PCDHGA4: variants seen among roughly 807,000 people sequenced by gnomAD.
The protein encoded by PCDHGA4 is protocadherin gamma-A4.
In PCDHGA4, 38 loss-of-function variants were observed where a neutral mutation model predicts 54.6. The ratio of observed to expected loss-of-function variants is 0.70; its 90% CI spans 0.54 to 0.91. PCDHGA4 has a LOEUF of 0.91. PCDHGA4 is among the 40% of genes least tolerant of loss of function. The pLI is 0.00. For synonymous variants in PCDHGA4, 511 were observed against 512.9 expected, an observed-to-expected ratio of 1.00 and a Z score of 0.05; for missense variants, 1,298 against 1,220.9, an observed-to-expected ratio of 1.06 and a Z score of -0.94.
At chr5:141,420,062 T>G (rs759817545) in intron 1 of PCDHGA4, 1 of 1,614,066 alleles carries the variant, frequency 6.2e-7, no homozygotes, top group Non-Finnish European at 8.5e-7. Context: ...CTGCTCCAAG[T>G]CCGGACCTGT....
At chr5:141,384,888 T>C in intron 1 of PCDHGA4, 2 of 1,613,854 alleles carry the variant, frequency 1.2e-6, no homozygotes, top group Non-Finnish European at 1.7e-6. Context: ...TCACCGTGGC[T>C]GTGGCTGACA....
chr5:141,404,550 C>A (rs372202008), intron 1 of PCDHGA4: 3 of 1,613,768 alleles, frequency 1.9e-6, no homozygotes, highest in Admixed American at 1.7e-5. Flanking sequence ...ATGCAGGTGA[C>A]GGCAAGTGAC....
chr5:141,429,416 T>C (rs527999196), intron 1 of PCDHGA4, among the ~76,000 whole-genome samples: 1 of 152,230 alleles, frequency 6.6e-6, no homozygotes, highest in Admixed American at 6.5e-5. Flanking sequence ...GGTCTCATTA[T>C]GTTGCCCAGG....
chr5:141,457,428 C>G (rs72790053), intron 1 of PCDHGA4, among the ~76,000 whole-genome samples: 1,866 of 152,262 alleles, frequency 0.012, 18 homozygotes, highest in Non-Finnish European at 0.017. Context: ...TTTTTCCCCC[C>G]CACCAAGCTG....
At position 141,356,437 on chromosome 5, in the gene PCDHGA4, G is replaced by A; in HGVS notation, c.1330G>A (p.Glu444Lys). Residue 444 changes from glutamate (E) to lysine (K), a missense_variant, in exon 1 of 4, where the codon GAA becomes AAA. Glu to Lys is a moderately conservative substitution (Grantham distance 56). Transcript: ENST00000571252. ...GTTGACACACAGAACACTGGACAGG[G>A]AAGAAGTCTCAGAATATAACATCAC... ...RLLTHRTLDR[E>K]EVSEYNITVT... 1 of 1,611,386 alleles carries A rather than the reference G, an allele frequency of 6.2e-7. No individual in the cohort carries two copies. The highest frequency in any genetic ancestry group is 8.5e-7 in the Non-Finnish European group (1 of 1,178,478).
intron 1 of PCDHGA4, among the ~76,000 whole-genome samples, chr5:141,465,785 T>G (rs564238782): frequency 6.6e-6 from 1 of 152,262 alleles, no homozygotes; most frequent in South Asian, 2.1e-4. Flanking sequence ...TACAGTTTTT[T>G]TTTTTTTAAG....
chr5:141,372,280 C>A, intron 1 of PCDHGA4: 2 of 1,613,164 alleles, frequency 1.2e-6, no homozygotes, highest in Non-Finnish European at 1.7e-6. Flanking sequence ...GTGCGCACGG[C>A]GCGTACCTTG....
Position 141,490,721 on chromosome 5 carries a change from T to C in PCDHGA4, c.2515-4086T>C, listed in dbSNP as rs779242781. On this transcript the variant is annotated intron_variant, in intron 1 of 3. Coordinates refer to ENST00000571252, the MANE Select transcript of PCDHGA4 (RefSeq NM_018917.4). This position sits in a 1 kb window ranked among gnomAD's most constrained non-coding sequence, Gnocchi z 5.4. The stretch of plus-strand genomic sequence containing the variant: ...AATGCCCGCCTCACCTACTCCATTG[T>C]AGGAAATCAGGTTCAGGGAGCCCCA... 23 of 1,614,056 alleles carry C rather than the reference T, an allele frequency of 1.4e-5. No individual in the cohort carries two copies. The highest frequency in any genetic ancestry group is 6.6e-5 in the South Asian group (6 of 91,080).
Position 141,433,059 on chromosome 5 carries a change from A to G in PCDHGA4, c.2515-61748A>G, listed in dbSNP as rs745951077. 1.1e-5 allele frequency: 18 copies of G among 1,614,000 alleles called. No individual in the cohort carries two copies. In the East Asian group the frequency reaches 3.8e-4, roughly 34 times the overall value. On this transcript the variant is annotated intron_variant, in intron 1 of 3. Transcript: ENST00000571252. ...CTCACCACGGACTCGCGGAAGAGTC[A>G]CCTGATCTTCCCCCAGCCCAACTAT...
At chr5:141,446,860 G>A (rs969206755) in intron 1 of PCDHGA4, among the ~76,000 whole-genome samples, 17 of 152,162 alleles carry the variant, frequency 1.1e-4, no homozygotes, top group African/African-American at 3.9e-4. Flanking sequence ...CTTCCTGATA[G>A]CTCTACACTG....
chr5:141,444,920 G>A (rs2098451595), intron 1 of PCDHGA4, among the ~76,000 whole-genome samples: 1 of 152,110 alleles, frequency 6.6e-6, no homozygotes, highest in Non-Finnish European at 1.5e-5. Context: ...ACCTTTATCA[G>A]GGAAAGAGGG....
intron 1 of PCDHGA4, chr5:141,364,690 A>G (rs754705935): frequency 2.5e-6 from 4 of 1,613,978 alleles, no homozygotes; most frequent in Non-Finnish European, 3.4e-6. Flanking sequence ...ATGGAGTAGA[A>G]GTAGAAATAA....
chr5:141,401,083 C>T (rs2094110284), intron 1 of PCDHGA4, among the ~76,000 whole-genome samples: 1 of 152,176 alleles, frequency 6.6e-6, no homozygotes, highest in Admixed American at 6.5e-5. Context: ...GTGGCTCATG[C>T]CTGTAATCCC....
chr5:141,406,906 C>T (rs1186250719), intron 1 of PCDHGA4, among the ~76,000 whole-genome samples: 1 of 152,048 alleles, frequency 6.6e-6, no homozygotes, highest in Non-Finnish European at 1.5e-5. Flanking sequence ...CTGTTTTTAG[C>T]TATAAGGAAG....
intron 1 of PCDHGA4, chr5:141,375,263 T>C (rs200233213): frequency 1.2e-6 from 2 of 1,613,828 alleles, no homozygotes; most frequent in Non-Finnish European, 1.7e-6. Context: ...CCCATTTGAA[T>C]TGGAAAAATC....
chr5:141,370,197 G>A (rs1766736161), intron 1 of PCDHGA4: 1 of 536,070 alleles, frequency 1.9e-6, no homozygotes, highest in Non-Finnish European at 3.2e-6. Flanking sequence ...CTAGTGCTGT[G>A]CAAAATATTG....
At chr5:141,405,488 C>A in intron 1 of PCDHGA4, 1 of 895,936 alleles carries the variant, frequency 1.1e-6, no homozygotes, top group Non-Finnish European at 1.7e-6. Context: ...GGTGTGATCT[C>A]GGCTCATTGC....
In PCDHGA4 at chr5:141,511,352, C is replaced by A. The variant is rs2099883742; in HGVS notation, c.*179C>A. The A allele has an allele frequency of 3.6e-6, 5 of 1,381,248 alleles. No homozygotes were observed. The highest frequency in any genetic ancestry group is 2.7e-4 in the Middle Eastern group (1 of 3,772). 85.6% of individuals were successfully genotyped at this position (1,381,248 alleles called of 1,614,324 possible). ...CAGTCAGCACCTACCCCTTCCCCCCCAGGGGGTTGAATATGCAAAAGCAGT... is the reference window on the plus strand; with the variant it reads ...CAGTCAGCACCTACCCCTTCCCCCCAAGGGGGTTGAATATGCAAAAGCAGT... On this transcript the variant is annotated 3_prime_UTR_variant, in exon 4 of 4. Coordinates refer to ENST00000571252, the MANE Select transcript of PCDHGA4 (RefSeq NM_018917.4).
chr5:141,411,573 GA>G (rs2095500797), intron 1 of PCDHGA4: 1 of 152,244 alleles, frequency 6.6e-6, no homozygotes, highest in Middle Eastern at 3.4e-3. Flanking sequence ...GACAGAGTGC[GA>G]CCCTGTCTCT....
Sources: gnomAD v4.1 joint callset for allele counts (sites outside exome capture counted in the v4.1 genomes callset) on GRCh38, gnomAD v4.1.1 for gene constraint, Gnocchi (gnomAD v3.1) non-coding constraint, MANE v1.5 for transcripts, NCBI Gene and HGNC (gene_info 2026-07-23, HGNC 2026-07-21) for gene names.